Variants in TAFA2 observed in about 807,000 individuals in gnomAD.
The protein encoded by TAFA2 is chemokine-like protein TAFA-2.
Under a neutral mutation model 18.8 loss-of-function variants are expected in TAFA2, and 7 were observed. That is an observed-to-expected ratio of 0.37 (90% CI 0.21 to 0.70). The LOEUF is 0.70. TAFA2 is among the 30% of genes least tolerant of loss of function. The pLI is 0.53. For synonymous variants in TAFA2, 60 were observed against 54.2 expected, an observed-to-expected ratio of 1.11 and a Z score of -0.47; for missense variants, 122 against 158.1, an observed-to-expected ratio of 0.77 and a Z score of 1.23.
chr12:61,986,636 C>G (rs1225107375), intron 1 of TAFA2, among the ~76,000 whole-genome samples: 1 of 146,666 alleles, frequency 6.8e-6, no homozygotes, highest in Admixed American at 7.0e-5. Context: ...CTATCATTTA[C>G]TGGCCATGAG....
chr12:61,985,794 CT>C (rs1879791324), intron 1 of TAFA2, among the ~76,000 whole-genome samples: 1 of 152,238 alleles, frequency 6.6e-6, no homozygotes, highest in South Asian at 2.1e-4. Flanking sequence ...AATGAGATTG[CT>C]TTTTCTTTTG....
intron 1 of TAFA2, among the ~76,000 whole-genome samples, chr12:62,257,151 T>C (rs1219732920): frequency 2.1e-4 from 3 of 14,222 alleles, no homozygotes; most frequent in African/African-American, 7.1e-4. Flanking sequence ...TGTATATATA[T>C]ATACATATAT....
At chr12:61,725,190 G>T (rs1321899901) in intron 4 of TAFA2, among the ~76,000 whole-genome samples, 1 of 151,918 alleles carries the variant, frequency 6.6e-6, no homozygotes, top group African/African-American at 2.4e-5. Context: ...ATAGTTTTTT[G>T]TTGGATGCAT....
chr12:61,895,571 A>T (rs1357554163), intron 1 of TAFA2, among the ~76,000 whole-genome samples: 1 of 152,220 alleles, frequency 6.6e-6, no homozygotes, highest in Non-Finnish European at 1.5e-5. Flanking sequence ...TGGAGAGAAC[A>T]GTTCACAAAG....
chr12:62,153,051 T>C (rs1353533991), intron 1 of TAFA2, among the ~76,000 whole-genome samples: 1 of 152,164 alleles, frequency 6.6e-6, no homozygotes, highest in Non-Finnish European at 1.5e-5. Context: ...CATTCAATAA[T>C]TTTTTTAATG....
At chr12:61,884,534 G>A (rs910659955) in intron 1 of TAFA2, among the ~76,000 whole-genome samples, 8 of 152,166 alleles carry the variant, frequency 5.3e-5, no homozygotes, top group Admixed American at 4.6e-4. Context: ...TCAATATTAG[G>A]TGCATTGCAT....
At chr12:62,177,757 T>C (rs1031243670) in intron 1 of TAFA2, among the ~76,000 whole-genome samples, 2 of 152,162 alleles carry the variant, frequency 1.3e-5, no homozygotes, top group Admixed American at 6.5e-5. Context: ...GGACCCATTA[T>C]TGACTCTTTT....
At chr12:62,107,589 G>T (rs1252332681) in intron 1 of TAFA2, among the ~76,000 whole-genome samples, 1 of 152,108 alleles carries the variant, frequency 6.6e-6, no homozygotes, top group Non-Finnish European at 1.5e-5. Flanking sequence ...CTTAAGTAAG[G>T]TTTGCATTCA....
In TAFA2 at chr12:62,192,548, T is replaced by G. The variant is rs1342531491; in HGVS notation, c.-1291A>C. ...ATGCTAATCTTTTAGAAAGTCGCCA[T>G]AAAGGGCAGAGCCCCTGCTCCACTC... On this transcript the variant is annotated 5_prime_UTR_variant, in exon 1 of 5. An upstream start codon of the reference 5' UTR is lost. Transcript: ENST00000416284. The G allele has an allele frequency of 6.6e-6, 1 of 152,340 alleles. No individual in the cohort carries two copies. The highest frequency in any genetic ancestry group is 2.4e-5 in the African/African-American group (1 of 41,448). 9.4% of individuals were successfully genotyped at this position (152,340 alleles called of 1,614,324 possible).
At chr12:62,041,925 A>G (rs1881766209) in intron 1 of TAFA2, among the ~76,000 whole-genome samples, 1 of 152,186 alleles carries the variant, frequency 6.6e-6, no homozygotes, top group Admixed American at 6.5e-5. Context: ...ATTGCTTAAA[A>G]TACAAAAATA....
chr12:61,952,305 A>G (rs1878497264), intron 1 of TAFA2, among the ~76,000 whole-genome samples: 1 of 152,202 alleles, frequency 6.6e-6, no homozygotes, highest in Non-Finnish European at 1.5e-5. Context: ...AGGTAATGAT[A>G]AAGAAGCTAT....
At chr12:62,065,754 C>A (rs1882469550) in intron 1 of TAFA2, among the ~76,000 whole-genome samples, 1 of 149,542 alleles carries the variant, frequency 6.7e-6, no homozygotes, top group African/African-American at 2.5e-5. Context: ...AGGGGTAGAA[C>A]TAAAACTGAG....
chr12:62,143,267 C>T (rs1252881124), intron 1 of TAFA2, among the ~76,000 whole-genome samples: 1 of 152,146 alleles, frequency 6.6e-6, no homozygotes, highest in Non-Finnish European at 1.5e-5. Context: ...AATGCTAACC[C>T]CCTTCAGCAG....
intron 2 of TAFA2, among the ~76,000 whole-genome samples, chr12:61,861,390 C>T (rs1199340424): frequency 6.6e-6 from 1 of 151,774 alleles, no homozygotes; most frequent in Non-Finnish European, 1.5e-5. Context: ...GCTGGGACTA[C>T]AGGCACAGGC....
chr12:61,987,345 G>C (rs1200226511), intron 1 of TAFA2, among the ~76,000 whole-genome samples: 1 of 152,178 alleles, frequency 6.6e-6, no homozygotes, highest in Admixed American at 6.5e-5. Flanking sequence ...ATCTCTGCCT[G>C]CTTTTCAAAC....
Position 61,979,389 on chromosome 12 carries a change from A to G in TAFA2, c.-1-111963T>C, listed in dbSNP as rs182028686. ...TTTTAAAATCAGGCCACAGAAGCAC[A>G]TCTCAAAGGCTATGGGTTCTATATT... On this transcript the variant is annotated intron_variant, in intron 1 of 4. Coordinates refer to ENST00000416284, the MANE Select transcript of TAFA2 (RefSeq NM_178539.5). Among the ~76,000 whole-genome samples the G allele has an allele frequency of 2.2e-4, 33 of 152,282 alleles. 1 individual carries two copies. The highest frequency in any genetic ancestry group is 2.2e-3 in the Admixed American group (33 of 15,278).
chr12:61,994,270 A>G (rs1880109174), intron 1 of TAFA2, among the ~76,000 whole-genome samples: 1 of 152,044 alleles, frequency 6.6e-6, no homozygotes, highest in African/African-American at 2.4e-5. Flanking sequence ...AGACAAACCC[A>G]TCTATCTGTT....
In TAFA2 at chr12:61,813,852, T is replaced by A. The variant is rs375112872; in HGVS notation, c.106+53468A>T. 2.0e-5 allele frequency among the ~76,000 whole-genome samples: 3 copies of A among 151,690 alleles called. No individual in the cohort carries two copies. In the East Asian group the frequency reaches 5.8e-4, roughly 29 times the overall value. On this transcript the variant is annotated intron_variant, in intron 2 of 4. Coordinates refer to ENST00000416284, the MANE Select transcript of TAFA2 (RefSeq NM_178539.5). ...GGTAAGAAATGTACCTATCTCATAC[T>A]GTTGTGAAGCTTAGACAAATTAAAT...
At chr12:61,917,581 A>T (rs747213585) in intron 1 of TAFA2, among the ~76,000 whole-genome samples, 9 of 152,148 alleles carry the variant, frequency 5.9e-5, no homozygotes, top group Non-Finnish European at 8.8e-5. Flanking sequence ...GTGCTCTCTC[A>T]ACTGACATAT....
Sources: allele counts gnomAD v4.1 joint callset (sites outside exome capture counted in the v4.1 genomes callset), GRCh38; gene constraint gnomAD v4.1.1; transcripts MANE v1.5; gene names NCBI Gene and HGNC (gene_info 2026-07-23, HGNC 2026-07-21).